Variants in GRID2 observed in about 807,000 individuals in gnomAD.
GRID2 encodes the protein glutamate ionotropic receptor delta type subunit 2.
GRID2 carries 33 observed loss-of-function variants against 114.8 expected under a neutral mutation model. That is an observed-to-expected ratio of 0.29 (90% CI 0.22 to 0.38). The LOEUF (loss-of-function observed/expected upper bound fraction) is 0.38, where lower values mean the gene tolerates loss of function less well. GRID2 is among the 10% of genes least tolerant of loss of function. GRID2 has a pLI of 1.00. For synonymous variants in GRID2, 505 were observed against 449.9 expected, an observed-to-expected ratio of 1.12 and a Z score of -1.55; for missense variants, 1,184 against 1,257.7, an observed-to-expected ratio of 0.94 and a Z score of 0.89.
At chr4:93,007,195 AAATTC>A (rs1721626824) in intron 2 of GRID2, among the ~76,000 whole-genome samples, 2 of 152,020 alleles carry the variant, frequency 1.3e-5, no homozygotes, top group South Asian at 4.2e-4. Flanking sequence ...GAAATGAAGA[AAATTC>A]AAACAACACA....
chr4:93,012,268 T>G (rs1245737871), intron 2 of GRID2, among the ~76,000 whole-genome samples: 1 of 152,074 alleles, frequency 6.6e-6, no homozygotes, highest in African/African-American at 2.4e-5. Flanking sequence ...CTCTTCGTTT[T>G]GTCTCTCCTT....
At chr4:92,398,703 G>A (rs1175125761) in intron 1 of GRID2, among the ~76,000 whole-genome samples, 1 of 152,112 alleles carries the variant, frequency 6.6e-6, no homozygotes, top group Non-Finnish European at 1.5e-5. Context: ...AGTCATCATC[G>A]TTGAAGGAAC....
chr4:92,860,113 A>G (rs576935482), intron 2 of GRID2, among the ~76,000 whole-genome samples: 1 of 151,808 alleles, frequency 6.6e-6, no homozygotes, highest in East Asian at 1.9e-4. Flanking sequence ...TTTTTTCTGG[A>G]CTAAGGCCCA....
intron 1 of GRID2, among the ~76,000 whole-genome samples, chr4:92,439,353 T>C (rs1051190806): frequency 3.9e-5 from 6 of 152,162 alleles, no homozygotes; most frequent in East Asian, 1.9e-4. Context: ...TGGGCGTATA[T>C]GTGCAAGTCA....
At chr4:92,636,446 T>A (rs1354827539) in intron 2 of GRID2, among the ~76,000 whole-genome samples, 2 of 152,088 alleles carry the variant, frequency 1.3e-5, no homozygotes, top group African/African-American at 4.8e-5. Flanking sequence ...TTAAGAATCA[T>A]GTTAATTCAA....
chr4:93,285,567 CAT>C (rs1280587603), intron 8 of GRID2, among the ~76,000 whole-genome samples: 2 of 151,930 alleles, frequency 1.3e-5, no homozygotes, highest in African/African-American at 4.8e-5. Context: ...ATGTTTAAAA[CAT>C]AGATGATTAT....
chr4:93,569,965 T>C (rs1735782949), intron 13 of GRID2, among the ~76,000 whole-genome samples: 1 of 152,210 alleles, frequency 6.6e-6, no homozygotes. Flanking sequence ...CTTGTTTGCT[T>C]TTGTTTGTTA....
chr4:92,774,453 A>G (rs994621566), intron 2 of GRID2, among the ~76,000 whole-genome samples: 2 of 152,140 alleles, frequency 1.3e-5, no homozygotes, highest in Non-Finnish European at 2.9e-5. Context: ...TCATTGATAC[A>G]GAATGCTACT....
chr4:92,487,340 T>A (rs915716601), intron 1 of GRID2, among the ~76,000 whole-genome samples: 1 of 152,012 alleles, frequency 6.6e-6, no homozygotes, highest in African/African-American at 2.4e-5. Flanking sequence ...TACTTTTATG[T>A]TTACCATCTA....
At chr4:93,058,916 T>A (rs138244470) in intron 2 of GRID2, among the ~76,000 whole-genome samples, 1 of 152,082 alleles carries the variant, frequency 6.6e-6, no homozygotes, top group African/African-American at 2.4e-5. Flanking sequence ...TGGTTGCCTT[T>A]GTATCAGAAT....
chr4:93,802,375 AGTGAGTGTGTGTGTGT>A (rs1265913667), intron 1 of GRID2, among the ~76,000 whole-genome samples: 2 of 151,930 alleles, frequency 1.3e-5, no homozygotes, highest in East Asian at 1.9e-4. Context: ...TATGTGTGAG[AGTGAGTGTGTGTGTGT>A]GTGAGTGTGT....
chr4:92,816,798 C>G (rs189703104), intron 2 of GRID2, among the ~76,000 whole-genome samples: 2 of 152,162 alleles, frequency 1.3e-5, no homozygotes, highest in East Asian at 3.9e-4. Context: ...AAAGATTAAA[C>G]TCATTAACAA....
chr4:93,799,926 T>C (rs1734892669), intron 1 of GRID2, among the ~76,000 whole-genome samples: 1 of 152,246 alleles, frequency 6.6e-6, no homozygotes. Flanking sequence ...AATCTTATTT[T>C]ATTCATGAAT....
chr4:92,474,974 G>T (rs1483704686), intron 1 of GRID2, among the ~76,000 whole-genome samples: 53 of 129,504 alleles, frequency 4.1e-4, no homozygotes, highest in African/African-American at 1.3e-3. Context: ...TTTTGGGGGG[G>T]GGGTGGAGGG....
At chr4:93,732,347 A>T (rs1002369261) in intron 14 of GRID2, among the ~76,000 whole-genome samples, 6 of 152,200 alleles carry the variant, frequency 3.9e-5, no homozygotes, top group Non-Finnish European at 5.9e-5. Flanking sequence ...TTGTAGCTTA[A>T]ATCACCCAGA....
chr4:92,434,292 A>G lies in GRID2; in HGVS notation c.88+129548A>G, dbSNP rs79668102. Among the ~76,000 whole-genome samples, 436 of 152,296 alleles carry G rather than the reference A, an allele frequency of 2.9e-3. 1 individual carries two copies. The highest frequency in any genetic ancestry group is 9.9e-3 in the African/African-American group (413 of 41,572). On this transcript the variant is annotated intron_variant, in intron 1 of 15. Transcript: ENST00000282020. ...AAGATGGTCCAGCCAAAGCAATTTT[A>G]TAAGTTTGTAGAGTGTAACAGAGGC... is the stretch of plus-strand genomic sequence containing the variant.
chr4:92,995,032 A>T (rs1353476057), intron 2 of GRID2, among the ~76,000 whole-genome samples: 5 of 152,146 alleles, frequency 3.3e-5, no homozygotes, highest in Non-Finnish European at 7.3e-5. Context: ...CCAACACACA[A>T]CTGTCCTTGG....
intron 4 of GRID2, among the ~76,000 whole-genome samples, chr4:93,176,128 G>A (rs961561378): frequency 2.6e-5 from 4 of 152,166 alleles, no homozygotes; most frequent in African/African-American, 7.2e-5. Context: ...ATGTTCTGCC[G>A]ATAATGGAAA....
At chr4:93,759,616 G>A (rs1371943405) in intron 14 of GRID2, among the ~76,000 whole-genome samples, 1 of 152,150 alleles carries the variant, frequency 6.6e-6, no homozygotes, top group Non-Finnish European at 1.5e-5. Flanking sequence ...GTAAGGACAA[G>A]GTTCCAGAAC....
Sources: allele counts gnomAD v4.1 joint callset (sites outside exome capture counted in the v4.1 genomes callset), GRCh38; gene constraint gnomAD v4.1.1; transcripts MANE v1.5; gene names NCBI Gene and HGNC (gene_info 2026-07-23, HGNC 2026-07-21).